ROBO2: variants seen among roughly 807,000 people sequenced by gnomAD.
ROBO2 encodes the protein roundabout homolog 2.
ROBO2 carries 53 observed loss-of-function variants against 160.8 expected under a neutral mutation model. The observed-to-expected ratio is 0.33, with a 90% CI of 0.26 to 0.41. ROBO2 has a LOEUF of 0.41. ROBO2 is among the 10% of genes least tolerant of loss of function. The pLI is 1.00. For synonymous variants in ROBO2, 664 were observed against 611.7 expected, an observed-to-expected ratio of 1.09 and a Z score of -1.26; for missense variants, 1,577 against 1,722.4, an observed-to-expected ratio of 0.92 and a Z score of 1.49.
chr3:76,597,300 G>A (rs530072911), intron 2 of ROBO2, among the ~76,000 whole-genome samples: 9 of 151,988 alleles, frequency 5.9e-5, no homozygotes, highest in Non-Finnish European at 1.3e-4. Flanking sequence ...TGTAAAAGCC[G>A]TGTGAAGAGG....
intron 2 of ROBO2, among the ~76,000 whole-genome samples, chr3:77,216,939 C>T (rs375633850): frequency 6.6e-6 from 1 of 151,980 alleles, no homozygotes; most frequent in Non-Finnish European, 1.5e-5. Context: ...CATAAAGCCA[C>T]TTTTATTCTT....
intron 2 of ROBO2, among the ~76,000 whole-genome samples, chr3:76,082,109 A>G (rs986895093): frequency 6.6e-6 from 1 of 152,154 alleles, no homozygotes; most frequent in Non-Finnish European, 1.5e-5. Flanking sequence ...CGTATGCCCA[A>G]ATAAATGTCA....
At chr3:76,763,146 G>A (rs766291177) in intron 2 of ROBO2, among the ~76,000 whole-genome samples, 3 of 149,862 alleles carry the variant, frequency 2.0e-5, no homozygotes, top group Admixed American at 1.3e-4. Context: ...TCTTTAATGC[G>A]TGAACATTCT....
At chr3:76,287,304 T>C (rs1185288842) in intron 2 of ROBO2, among the ~76,000 whole-genome samples, 1 of 151,392 alleles carries the variant, frequency 6.6e-6, no homozygotes, top group Non-Finnish European at 1.5e-5. Context: ...TCTTTTCTTT[T>C]TTTTTTTTTG....
At chr3:77,054,148 A>G (rs1162471245) in intron 1 of ROBO2, among the ~76,000 whole-genome samples, 1 of 152,170 alleles carries the variant, frequency 6.6e-6, no homozygotes, top group African/African-American at 2.4e-5. Context: ...AGGATTTTCC[A>G]TTGGAAAGTT....
chr3:77,035,354 C>T (rs944029942), upstream of ROBO2, among the ~76,000 whole-genome samples: 1 of 151,816 alleles, frequency 6.6e-6, no homozygotes, highest in Non-Finnish European at 1.5e-5. Flanking sequence ...CTCAATGTTA[C>T]ATACCACTTA....
chr3:77,351,952 TG>T (rs1261089726), intron 2 of ROBO2, among the ~76,000 whole-genome samples: 3 of 144,736 alleles, frequency 2.1e-5, no homozygotes, highest in Non-Finnish European at 3.0e-5. Context: ...TGTTGTGGAG[TG>T]GGGGCAGGGG....
intron 2 of ROBO2, among the ~76,000 whole-genome samples, chr3:77,012,082 C>T (rs1010614367): frequency 4.6e-5 from 7 of 152,036 alleles, no homozygotes; most frequent in African/African-American, 1.7e-4. Context: ...CTAAGTCAAG[C>T]AACTTAGGTA....
At chr3:76,304,244 T>A (rs144360931) in intron 2 of ROBO2, among the ~76,000 whole-genome samples, 2 of 152,340 alleles carry the variant, frequency 1.3e-5, no homozygotes, top group East Asian at 3.9e-4. Flanking sequence ...TGCAGCAGGC[T>A]GAGCTAGAAA....
At chr3:77,442,010 G>C (rs1228412700) in intron 2 of ROBO2, among the ~76,000 whole-genome samples, 1 of 152,012 alleles carries the variant, frequency 6.6e-6, no homozygotes, top group African/African-American at 2.4e-5. Flanking sequence ...AGTTAAAATG[G>C]AACAATAATA....
rs1265114389 is a variant in ROBO2, at chr3:76,861,311, T to TA, written c.110-236701dup. ...ACCTACCTTGTAAGTCCTAACTTAC[T>TA]AAGTCTAAGGTATTATCTTACTGGG... On this transcript the variant is annotated intron_variant, in intron 2 of 26. Transcript: ENST00000487694. 3.9e-5 allele frequency among the ~76,000 whole-genome samples: 6 copies of TA among 152,218 alleles called. No individual in the cohort carries two copies. The East Asian group carries it at 1.2e-3, about 29-fold the overall frequency.
chr3:76,277,019 A>C (rs968627781), intron 2 of ROBO2, among the ~76,000 whole-genome samples: 1 of 152,048 alleles, frequency 6.6e-6, no homozygotes, highest in African/African-American at 2.4e-5. Flanking sequence ...TTTTTTAATA[A>C]TTTTATGCAT....
At chr3:77,642,743 G>T in intron 24 of ROBO2, 1 of 456,720 alleles carries the variant, frequency 2.2e-6, no homozygotes, top group South Asian at 1.5e-5. Context: ...CAGCAGGCTG[G>T]TAACGTGGAA....
chr3:76,934,442 T>TAA (rs2077553265), intron 2 of ROBO2, among the ~76,000 whole-genome samples: 2 of 95,560 alleles, frequency 2.1e-5, no homozygotes, highest in African/African-American at 7.8e-5. Context: ...AATGGTTCAA[T>TAA]TAAAGAAAAA....
intron 2 of ROBO2, among the ~76,000 whole-genome samples, chr3:77,183,837 T>C (rs1226800843): frequency 6.6e-6 from 1 of 152,086 alleles, no homozygotes. Context: ...GCTGTTGAAT[T>C]GATTAACTTT....
chr3:77,320,962 TTTACTG>T (rs2064623973), intron 2 of ROBO2, among the ~76,000 whole-genome samples: 1 of 152,182 alleles, frequency 6.6e-6, no homozygotes, highest in Non-Finnish European at 1.5e-5. Context: ...GGCAAGGTAC[TTTACTG>T]TCCATTTTGT....
At chr3:77,582,867 G>A (rs1044543559) in intron 16 of ROBO2, among the ~76,000 whole-genome samples, 8 of 152,078 alleles carry the variant, frequency 5.3e-5, no homozygotes, top group South Asian at 2.1e-4. Flanking sequence ...CTGGTCAGGC[G>A]CAGTGGCTCA....
chr3:76,129,059 CAA>C (rs572494628), intron 2 of ROBO2, among the ~76,000 whole-genome samples: 10 of 126,708 alleles, frequency 7.9e-5, no homozygotes, highest in African/African-American at 5.7e-5. Flanking sequence ...TTTGTCATTT[CAA>C]AAAAAAAAAA....
chr3:76,213,078 A>G (rs1325417144), intron 2 of ROBO2, among the ~76,000 whole-genome samples: 1 of 152,124 alleles, frequency 6.6e-6, no homozygotes, highest in African/African-American at 2.4e-5. Context: ...GAGACAAGAA[A>G]TTTTTGGTTC....
Sources: allele counts gnomAD v4.1 joint callset (sites outside exome capture counted in the v4.1 genomes callset), GRCh38; gene constraint gnomAD v4.1.1; transcripts MANE v1.5; gene names NCBI Gene and HGNC (gene_info 2026-07-23, HGNC 2026-07-21).